Variants in DEK observed in about 807,000 individuals in gnomAD.
DEK encodes DEK proto-oncogene.
A neutral mutation model predicts 46.8 loss-of-function variants in DEK; 28 were observed. The ratio of observed to expected loss-of-function variants is 0.60; its 90% CI spans 0.44 to 0.82. DEK has a LOEUF of 0.82. Among genes scored for constraint, DEK ranks in the 40% least tolerant of loss-of-function variants. The pLI is 0.00. For missense variants in DEK, 416 were observed against 430.6 expected (o/e 0.97, Z 0.30); for synonymous variants, 160 against 144.5 (o/e 1.11, Z -0.77).
At chr6:18,260,966 A>G (rs933294155) in intron 2 of DEK, among the ~76,000 whole-genome samples, 14 of 149,728 alleles carry the variant, frequency 9.4e-5, no homozygotes, top group African/African-American at 3.4e-4. Flanking sequence ...AGCCTGGGTG[A>G]CAAGTGAGAC....
At chr6:18,257,724 GA>G (rs1240942002) in intron 4 of DEK, among the ~76,000 whole-genome samples, 34 of 140,676 alleles carry the variant, frequency 2.4e-4, no homozygotes, top group Middle Eastern at 3.6e-3. Context: ...TTAAAAGAAA[GA>G]AAAAAAAAAG....
chr6:18,261,770 C>T (rs374432931), intron 2 of DEK, among the ~76,000 whole-genome samples: 1 of 152,170 alleles, frequency 6.6e-6, no homozygotes, highest in African/African-American at 2.4e-5. Flanking sequence ...GGAAGAAACT[C>T]ATCTTCAGAT....
intron 2 of DEK, among the ~76,000 whole-genome samples, chr6:18,263,254 ACTTT>A (rs1791955105): frequency 6.6e-6 from 1 of 152,162 alleles, no homozygotes; most frequent in African/African-American, 2.4e-5. Flanking sequence ...CTCACATTTA[ACTTT>A]CTTTCAGAGT....
chr6:18,228,514 C>T (rs530744366), intron 9 of DEK, among the ~76,000 whole-genome samples: 1 of 151,834 alleles, frequency 6.6e-6, no homozygotes, highest in African/African-American at 2.4e-5. Context: ...TGGGGCTTGT[C>T]GGACGGTGGG....
In DEK at chr6:18,239,578, CATGTA is replaced by C. The variant is rs528008793; in HGVS notation, c.763-2067_763-2063del. The stretch of plus-strand genomic sequence containing the variant: ...CAACAATATACCACTGGCTGGGAAG[CATGTA>C]GTTTAACTGCTACTAAAAAATACAT... On this transcript the variant is annotated intron_variant, in intron 7 of 10. Transcript: ENST00000652689. 1.1e-4 allele frequency among the ~76,000 whole-genome samples: 16 copies of C among 152,112 alleles called. No homozygotes were observed. The South Asian group carries it at 3.3e-3, about 32-fold the overall frequency.
At chr6:18,232,826 C>T (rs545157930) in intron 9 of DEK, among the ~76,000 whole-genome samples, 16 of 152,172 alleles carry the variant, frequency 1.1e-4, no homozygotes, top group Non-Finnish European at 1.8e-4. Flanking sequence ...CTACCAATCA[C>T]TTTCTTCATA....
chr6:18,250,974 TGC>T (rs1274217759), intron 6 of DEK, among the ~76,000 whole-genome samples: 1 of 151,984 alleles, frequency 6.6e-6, no homozygotes, highest in Non-Finnish European at 1.5e-5. Flanking sequence ...AAGAATATGC[TGC>T]TATTATTCTG....
intron 2 of DEK, among the ~76,000 whole-genome samples, chr6:18,260,287 C>G (rs1791798097): frequency 6.6e-6 from 1 of 152,112 alleles, no homozygotes; most frequent in Non-Finnish European, 1.5e-5. Context: ...AAAATCTGTA[C>G]ATGTTCAGTA....
chr6:18,251,419 T>G (rs1196876901), intron 6 of DEK, among the ~76,000 whole-genome samples: 1 of 152,200 alleles, frequency 6.6e-6, no homozygotes, highest in Non-Finnish European at 1.5e-5. Flanking sequence ...AAGTGGCTGC[T>G]TTGTATAATA....
chr6:18,244,383 A>G, intron 7 of DEK: 1 of 391,176 alleles, frequency 2.6e-6, no homozygotes, highest in Non-Finnish European at 4.7e-6. Context: ...TCAGTAATAC[A>G]GAAGTTTCAA....
chr6:18,264,234 C>CG, intron 1 of DEK, 151 bp downstream of exon 1: 1 of 306,426 alleles, frequency 3.3e-6, no homozygotes, highest in Non-Finnish European at 5.9e-6. Flanking sequence ...CGCGCGCGCC[C>CG]GCCCGGCCTG....
At chr6:18,227,120 G>C (rs760168577) in intron 9 of DEK, among the ~76,000 whole-genome samples, 5 of 152,138 alleles carry the variant, frequency 3.3e-5, no homozygotes, top group Admixed American at 6.5e-5. Context: ...GGCCTCGTGA[G>C]AAGGGAAAGA....
chr6:18,258,546 T>C (rs1253483087), intron 2 of DEK, 141 bp from the exon 3 acceptor site: 1 of 571,650 alleles, frequency 1.7e-6, no homozygotes, highest in African/African-American at 1.9e-5. Flanking sequence ...GCAAATGACA[T>C]AAAAGAGGAA....
chr6:18,227,342 C>G (rs956152465), intron 9 of DEK, among the ~76,000 whole-genome samples: 2 of 152,244 alleles, frequency 1.3e-5, no homozygotes, highest in East Asian at 3.9e-4. Context: ...GTGGGACATG[C>G]GGGCAGTAAT....
intron 9 of DEK, among the ~76,000 whole-genome samples, chr6:18,230,909 A>T (rs1221035429): frequency 6.6e-6 from 1 of 152,186 alleles, no homozygotes; most frequent in Non-Finnish European, 1.5e-5. Flanking sequence ...TCCACCCCAA[A>T]TCAACAGAAT....
intron 4 of DEK, among the ~76,000 whole-genome samples, chr6:18,257,192 G>A (rs1019784384): frequency 6.6e-6 from 1 of 152,048 alleles, no homozygotes; most frequent in Non-Finnish European, 1.5e-5. Context: ...CTTTGTATGA[G>A]ATTTGTATGA....
chr6:18,243,132 G>T (rs994333577), intron 7 of DEK, among the ~76,000 whole-genome samples: 7 of 151,976 alleles, frequency 4.6e-5, no homozygotes, highest in African/African-American at 1.4e-4. Flanking sequence ...CACTAAAAAA[G>T]GTTTCTTATA....
At chr6:18,227,803 T>C (rs1790208676) in intron 9 of DEK, among the ~76,000 whole-genome samples, 1 of 152,152 alleles carries the variant, frequency 6.6e-6, no homozygotes, top group Non-Finnish European at 1.5e-5. Flanking sequence ...TGTTGGCAAG[T>C]CATCTGCCAA....
intron 2 of DEK, among the ~76,000 whole-genome samples, chr6:18,259,408 A>AT (rs1393966103): frequency 1.8e-5 from 2 of 109,464 alleles, no homozygotes; most frequent in Non-Finnish European, 3.5e-5. Context: ...AAAAAAAAAA[A>AT]AAAAAAAAAA....
Sources: gnomAD v4.1 joint callset for allele counts (sites outside exome capture counted in the v4.1 genomes callset) on GRCh38, gnomAD v4.1.1 for gene constraint, MANE v1.5 for transcripts, NCBI Gene and HGNC (gene_info 2026-07-23, HGNC 2026-07-21) for gene names.